CHLSN: variants seen among roughly 807,000 people sequenced by gnomAD.
CHLSN encodes protein cholesin.
At chr7:1,006,047 T>C in the CHLSN span, among the ~76,000 whole-genome samples, 3,708 of 152,304 alleles carry the variant, frequency 0.024, 148 homozygotes, top group African/African-American at 0.084. Flanking sequence ...GTTAAGCATA[T>C]AAATAAACTC....
the CHLSN span, among the ~76,000 whole-genome samples, chr7:1,009,484 C>T: frequency 3.1e-4 from 47 of 152,308 alleles, 2 homozygotes; most frequent in African/African-American, 7.9e-4. Context: ...CACCCAGCCA[C>T]GCCGCAGGCA....
the CHLSN span, chr7:1,028,375 C>G: frequency 2.0e-6 from 2 of 988,468 alleles, no homozygotes; most frequent in Non-Finnish European, 2.4e-6. Context: ...ACTGCGCATG[C>G]CCGGCCGGCC....
At chr7:1,136,371 T>C in the CHLSN span, among the ~76,000 whole-genome samples, 13 of 77,342 alleles carry the variant, frequency 1.7e-4, 1 homozygote, top group South Asian at 1.4e-3. Context: ...TATATATAAA[T>C]ATATATAAAT....
At chr7:1,000,829 T>G in the CHLSN span, among the ~76,000 whole-genome samples, 1 of 151,990 alleles carries the variant, frequency 6.6e-6, no homozygotes, top group Admixed American at 6.5e-5. Context: ...CCCCGTGGGC[T>G]CCCCCACCCC....
chr7:1,110,257 A>C, the CHLSN span, among the ~76,000 whole-genome samples: 1 of 152,228 alleles, frequency 6.6e-6, no homozygotes, highest in South Asian at 2.1e-4. Flanking sequence ...GAAAGCGCAC[A>C]CACCACCACA....
the CHLSN span, chr7:1,057,568 C>G: frequency 1.7e-5 from 13 of 772,630 alleles, no homozygotes; most frequent in South Asian, 9.5e-5. Context: ...GAGCTGCCTG[C>G]CTGCCAGGAC....
At chr7:1,127,612 G>A in the CHLSN span, among the ~76,000 whole-genome samples, 1 of 149,644 alleles carries the variant, frequency 6.7e-6, no homozygotes, top group African/African-American at 2.5e-5. Flanking sequence ...TTTTTTTTGA[G>A]TCAGGGCCTC....
At chr7:1,096,211 T>C in the CHLSN span, among the ~76,000 whole-genome samples, 1 of 152,204 alleles carries the variant, frequency 6.6e-6, no homozygotes, top group Non-Finnish European at 1.5e-5. This position sits in a 1 kb window ranked among gnomAD's most constrained non-coding sequence, Gnocchi z 4.6. Context: ...TTCTGGGGAC[T>C]TGCCCAAGGC....
chr7:1,075,581 AC>A, the CHLSN span, among the ~76,000 whole-genome samples: 1 of 150,070 alleles, frequency 6.7e-6, no homozygotes, highest in Non-Finnish European at 1.5e-5. Context: ...CTTGAAGCTG[AC>A]CAAGGCCGCA....
chr7:986,604 T>TCCTCCTG, the CHLSN span: 1 of 1,611,852 alleles, frequency 6.2e-7, no homozygotes, highest in African/African-American at 1.3e-5. Context: ...TTATCTCCGC[T>TCCTCCTG]CCTCCTGCCT....
the CHLSN span, among the ~76,000 whole-genome samples, chr7:1,040,238 C>T: frequency 6.6e-6 from 1 of 150,830 alleles, no homozygotes; most frequent in African/African-American, 2.4e-5. Context: ...TACCTGTATT[C>T]CCAGCTGCTT....
the CHLSN span, among the ~76,000 whole-genome samples, chr7:1,095,070 G>A: frequency 6.6e-6 from 1 of 151,360 alleles, no homozygotes; most frequent in South Asian, 2.1e-4. Flanking sequence ...CACCGTGCGT[G>A]GCTTGAGCCA....
the CHLSN span, chr7:1,023,146 C>T: frequency 2.3e-3 from 864 of 374,846 alleles, 19 homozygotes; most frequent in South Asian, 0.015. This position sits in a 1 kb window ranked among gnomAD's most constrained non-coding sequence, Gnocchi z 5.0. Context: ...ACGTTTTAAA[C>T]GCGTGAGGTC....
At chr7:986,599 T>TC in the CHLSN span, 31 of 1,611,518 alleles carry the variant, frequency 1.9e-5, 1 homozygote, top group Non-Finnish European at 2.1e-5. Flanking sequence ...CGTCCTTATC[T>TC]CCGCTCCTCC....
the CHLSN span, among the ~76,000 whole-genome samples, chr7:1,132,176 C>T: frequency 6.6e-6 from 1 of 152,212 alleles, no homozygotes; most frequent in Non-Finnish European, 1.5e-5. Context: ...GCACCAAAAA[C>T]ACGTGGCAAA....
chr7:1,120,713 G>A, the CHLSN span, among the ~76,000 whole-genome samples: 1 of 152,224 alleles, frequency 6.6e-6, no homozygotes. Flanking sequence ...ACAGCCCCAA[G>A]CTGGAAACAA....
chr7:1,135,770 G>C, the CHLSN span, among the ~76,000 whole-genome samples: 1 of 75,416 alleles, frequency 1.3e-5, no homozygotes, highest in Non-Finnish European at 2.4e-5. Flanking sequence ...ACCTCAAAAA[G>C]AAATATATAT....
the CHLSN span, chr7:1,058,410 A>G: frequency 2.6e-6 from 2 of 780,710 alleles, no homozygotes; most frequent in East Asian, 2.4e-5. Flanking sequence ...CTACCGCTAC[A>G]TGAACCAGAG....
At chr7:1,005,851 G>A in the CHLSN span, among the ~76,000 whole-genome samples, 1 of 152,160 alleles carries the variant, frequency 6.6e-6, no homozygotes, top group Non-Finnish European at 1.5e-5. Flanking sequence ...TCTCTCTCCT[G>A]TGGGGGCACC....
Sources: gnomAD v4.1 joint callset for allele counts (sites outside exome capture counted in the v4.1 genomes callset) on GRCh38, gnomAD v4.1.1 for gene constraint, Gnocchi (gnomAD v3.1) non-coding constraint, MANE v1.5 for transcripts, NCBI Gene and HGNC (gene_info 2026-07-23, HGNC 2026-07-21) for gene names.